The following RGSL1 variants were observed in gnomAD, a reference collection of about 807,000 sequenced individuals.
The protein encoded by RGSL1 is regulator of G protein signaling like 1, also known as regulator of G protein signaling protein-like.
Under a neutral mutation model 124.7 loss-of-function variants are expected in RGSL1, and 97 were observed. The observed-to-expected ratio is 0.78, with a 90% confidence interval of 0.66 to 0.92. The LOEUF (loss-of-function observed/expected upper bound fraction) is 0.92. Among genes scored for constraint, RGSL1 ranks in the 40% least tolerant of loss-of-function variants. The pLI is 0.00. For missense variants in RGSL1, 1,233 were observed against 1,288.4 expected (o/e 0.96, Z 0.66); for synonymous variants, 424 against 438.1 (o/e 0.97, Z 0.40).
intron 10 of RGSL1, among the ~76,000 whole-genome samples, chr1:182,526,107 A>G (rs963776762): frequency 6.6e-6 from 1 of 152,226 alleles, no homozygotes; most frequent in African/African-American, 2.4e-5. Flanking sequence ...ATTTTCTCAC[A>G]TAGAAACACT....
At chr1:182,495,917 C>T (rs547207908) in intron 9 of RGSL1, among the ~76,000 whole-genome samples, 1 of 152,310 alleles carries the variant, frequency 6.6e-6, no homozygotes, top group African/African-American at 2.4e-5. Flanking sequence ...TGATGAATTA[C>T]TGTTGAGCCA....
intron 11 of RGSL1, 85 bp from the exon 12 acceptor site, chr1:182,530,159 A>AC: frequency 5.1e-6 from 5 of 974,528 alleles, no homozygotes; most frequent in East Asian, 2.6e-5. Flanking sequence ...AGACTCTAAG[A>AC]TAAAAAAAAA....
chr1:182,518,164 C>G (rs1158949934), intron 9 of RGSL1, among the ~76,000 whole-genome samples: 1 of 152,108 alleles, frequency 6.6e-6, no homozygotes, highest in Non-Finnish European at 1.5e-5. Flanking sequence ...CTCTGCCTCC[C>G]AAGTAGCTGG....
At chr1:182,458,800 G>A (rs937247957) in intron 3 of RGSL1, among the ~76,000 whole-genome samples, 1 of 152,116 alleles carries the variant, frequency 6.6e-6, no homozygotes, top group Non-Finnish European at 1.5e-5. Flanking sequence ...ATGTGAATTG[G>A]GAGAGGGAGA....
intron 14 of RGSL1, among the ~76,000 whole-genome samples, chr1:182,537,402 A>T (rs1014973941): frequency 6.6e-6 from 1 of 152,236 alleles, no homozygotes; most frequent in African/African-American, 2.4e-5. Context: ...ATATTCCAAA[A>T]ATCCAAAATC....
chr1:182,452,389 T>C (rs188621415), intron 1 of RGSL1, among the ~76,000 whole-genome samples: 19 of 151,734 alleles, frequency 1.3e-4, no homozygotes, highest in Admixed American at 4.6e-4. Flanking sequence ...AGAAAAAAGA[T>C]GTATGTGAAC....
Position 182,474,544 on chromosome 1 carries a change from T to C in RGSL1, c.1431+2T>C. 2 of 1,536,954 alleles carry C rather than the reference T, an allele frequency of 1.3e-6. No individual in the cohort carries two copies. Among genetic ancestry groups the C allele is most frequent in the Non-Finnish European group, 1.8e-6 (2 of 1,138,454 alleles). Reference sequence around the variant, plus strand: ...AAAGCCCAGAAGGAGATTTGCAAGGTAGGCCATGCCTCACAGAAATAAGTT... The same window carrying C: ...AAAGCCCAGAAGGAGATTTGCAAGGCAGGCCATGCCTCACAGAAATAAGTT... On this transcript the variant is annotated splice_donor_variant, in intron 6 of 21. Transcript: ENST00000294854. LOFTEE classifies it high-confidence loss of function.
intron 14 of RGSL1, among the ~76,000 whole-genome samples, chr1:182,533,834 C>T (rs1309615176): frequency 6.6e-6 from 1 of 152,032 alleles, no homozygotes; most frequent in African/African-American, 2.4e-5. Flanking sequence ...GGCAGGAGGG[C>T]CAGAGAAAAT....
At chr1:182,517,291 T>TC in intron 9 of RGSL1, among the ~76,000 whole-genome samples, 1 of 151,504 alleles carries the variant, frequency 6.6e-6, no homozygotes, top group African/African-American at 2.4e-5. Flanking sequence ...TGTTTTTTTT[T>TC]TTGTATTTTT....
chr1:182,465,416 G>C (rs910989370), intron 4 of RGSL1, among the ~76,000 whole-genome samples: 1 of 145,106 alleles, frequency 6.9e-6, no homozygotes, highest in African/African-American at 2.6e-5. Flanking sequence ...TGAACAATGA[G>C]AACACTTGGA....
chr1:182,517,110 A>G (rs1417272443), intron 9 of RGSL1, among the ~76,000 whole-genome samples: 1 of 151,768 alleles, frequency 6.6e-6, no homozygotes, highest in Non-Finnish European at 1.5e-5. Context: ...CGTCTCCTTT[A>G]TATTTGAAAG....
At chr1:182,451,143 C>CAAAAAAA (rs569488586) in intron 1 of RGSL1, among the ~76,000 whole-genome samples, 1 of 105,076 alleles carries the variant, frequency 9.5e-6, no homozygotes, top group Admixed American at 1.1e-4. Context: ...GAGACTTTGG[C>CAAAAAAA]AAAAAAAAAA....
chr1:182,551,003 T>C, intron 17 of RGSL1, 97 bp from the exon 18 acceptor site: 1 of 773,314 alleles, frequency 1.3e-6, no homozygotes, highest in South Asian at 1.6e-5. Context: ...ACCCACATTC[T>C]CTGAGGACTG....
intron 6 of RGSL1, among the ~76,000 whole-genome samples, chr1:182,475,332 A>G (rs553117688): frequency 1.3e-5 from 2 of 152,358 alleles, no homozygotes; most frequent in East Asian, 1.9e-4. Flanking sequence ...AGTGATGCCC[A>G]TCATATAGCT....
chr1:182,468,148 G>A (rs1272917992), intron 4 of RGSL1, among the ~76,000 whole-genome samples: 4 of 152,186 alleles, frequency 2.6e-5, no homozygotes, highest in Admixed American at 6.5e-5. Context: ...GGAGAAATAG[G>A]AACACTTTAC....
At chr1:182,551,435 G>A (rs1660556540) in intron 18 of RGSL1, among the ~76,000 whole-genome samples, 1 of 152,150 alleles carries the variant, frequency 6.6e-6, no homozygotes, top group Non-Finnish European at 1.5e-5. Context: ...ATAACTCCAG[G>A]ACGCCTCTGT....
At chr1:182,509,620 C>A (rs1356612668) in intron 9 of RGSL1, among the ~76,000 whole-genome samples, 2 of 128,270 alleles carry the variant, frequency 1.6e-5, no homozygotes, top group Admixed American at 7.2e-5. Flanking sequence ...GGCGGCTGGG[C>A]AGAGGCGCCC....
At chr1:182,510,756 T>C (rs1368822671) in intron 9 of RGSL1, among the ~76,000 whole-genome samples, 3 of 151,368 alleles carry the variant, frequency 2.0e-5, no homozygotes, top group Non-Finnish European at 4.4e-5. Flanking sequence ...TATTCAGAGC[T>C]TTTGCCCATT....
chr1:182,540,382 T>G lies in RGSL1; in HGVS notation c.2630T>G (p.Phe877Cys), dbSNP rs1659818097. 4 of 1,551,116 alleles carry G rather than the reference T, an allele frequency of 2.6e-6. No homozygotes were observed. In the East Asian group the frequency reaches 9.8e-5, roughly 38 times the overall value. The change falls in exon 15 of 22, where the codon TTT becomes TGT. Residue 877 changes from phenylalanine to cysteine, a missense_variant. Phe to Cys is a radical substitution (Grantham distance 205, BLOSUM62 -2). Coordinates refer to ENST00000294854, the MANE Select transcript of RGSL1 (RefSeq NM_001137669.2). Reference protein sequence around the residue: ...IFGHRIITVNFAINDLYFFSE... With the variant: ...IFGHRIITVNCAINDLYFFSE... ...GGCCACAGGATTATCACTGTCAACT[T>G]TGCGATCAATGATCTATATTTCTTT...
Sources: gnomAD v4.1 joint callset for allele counts (sites outside exome capture counted in the v4.1 genomes callset) on GRCh38, gnomAD v4.1.1 for gene constraint, MANE v1.5 for transcripts, NCBI Gene and HGNC (gene_info 2026-07-23, HGNC 2026-07-21) for gene names.